ADGRV1: variants seen among roughly 807,000 people sequenced by gnomAD.
ADGRV1 encodes the protein adhesion G protein-coupled receptor V1.
A neutral mutation model predicts 596.2 loss-of-function variants in ADGRV1; 359 were observed. The ratio of observed to expected loss-of-function variants is 0.60; its 90% CI spans 0.55 to 0.66. The LOEUF (loss-of-function observed/expected upper bound fraction) is 0.66, where lower values mean the gene tolerates loss of function less well. Among genes scored for constraint, ADGRV1 ranks in the 30% least tolerant of loss-of-function variants. The pLI, the probability that ADGRV1 is intolerant of heterozygous loss-of-function variation, is 0.00. For synonymous variants in ADGRV1, 2,681 were observed against 2,679.2 expected, an observed-to-expected ratio of 1.00 and a Z score of -0.02; for missense variants, 7,274 against 7,575.6, an observed-to-expected ratio of 0.96 and a Z score of 1.48.
Position 90,750,662 on chromosome 5 carries a change from G to A in ADGRV1, c.11086G>A (p.Gly3696Arg), listed in dbSNP as rs767421528. Reference sequence around the variant, plus strand: ...TATAACCATAGCATGGGAAGCTGATGGAAGTATTAGTGATATATTTCCTAC... The same window carrying A: ...TATAACCATAGCATGGGAAGCTGATAGAAGTATTAGTGATATATTTCCTAC... ...GRITIAWEAD[G>R]SISDIFPTSG... Residue 3696 changes from glycine (G) to arginine (R), a missense_variant, in exon 53 of 90, where the codon GGA becomes AGA. Gly to Arg is a moderately radical substitution (Grantham distance 125). This residue lies in a region of ADGRV1 where 3,643 missense variants were observed against 3,809.2 expected (regional missense o/e 0.96). Coordinates refer to ENST00000405460, the MANE Select transcript of ADGRV1 (RefSeq NM_032119.4). 6.2e-7 allele frequency: 1 copy of A among 1,612,580 alleles called. No individual in the cohort carries two copies. The highest frequency in any genetic ancestry group is 1.7e-5 in the Admixed American group (1 of 60,016).
At chr5:90,675,746 C>T (rs1401828166) in intron 24 of ADGRV1, among the ~76,000 whole-genome samples, 1 of 151,748 alleles carries the variant, frequency 6.6e-6, no homozygotes, top group Non-Finnish European at 1.5e-5. Context: ...TATGATCCCA[C>T]CACTGCACTC....
At position 90,644,003 on chromosome 5, in the gene ADGRV1, A is replaced by G. The variant is rs760546249; in HGVS notation, c.2734+20A>G. On this transcript the variant is annotated intron_variant, in intron 14 of 89. Transcript: ENST00000405460. ...ATAGTGGTAATTTATTCTGTGTCTTATATTGTATTTCTGTTTACTGAAGAA... is the reference window on the plus strand; with the variant it reads ...ATAGTGGTAATTTATTCTGTGTCTTGTATTGTATTTCTGTTTACTGAAGAA... 10 of 1,461,002 alleles carry G rather than the reference A, an allele frequency of 6.8e-6. No individual in the cohort carries two copies. In the South Asian group the frequency reaches 1.4e-4, roughly 21 times the overall value. The allele number at this position is 1,461,002 out of a possible 1,614,324, so 90.5% of individuals were successfully genotyped here. A position where few individuals can be genotyped will look rare whatever the true frequency, so the allele number is the denominator to read the frequency against.
At chr5:90,664,388 G>T (rs1424071527) in intron 21 of ADGRV1, among the ~76,000 whole-genome samples, 2 of 151,942 alleles carry the variant, frequency 1.3e-5, no homozygotes, top group Non-Finnish European at 2.9e-5. Context: ...GTGAATGGGA[G>T]TTCACTCATG....
chr5:91,065,028 G>C (rs1203282004), intron 85 of ADGRV1, among the ~76,000 whole-genome samples: 1 of 152,196 alleles, frequency 6.6e-6, no homozygotes, highest in Non-Finnish European at 1.5e-5. Context: ...TAAAGGATAA[G>C]CATCTACAGA....
At chr5:90,669,061 T>C (rs1772037572) in intron 21 of ADGRV1, among the ~76,000 whole-genome samples, 1 of 152,184 alleles carries the variant, frequency 6.6e-6, no homozygotes. Context: ...AGATTAATGG[T>C]TTATTAATTT....
intron 25 of ADGRV1, among the ~76,000 whole-genome samples, chr5:90,677,545 T>G (rs545149909): frequency 3.7e-4 from 56 of 152,310 alleles, no homozygotes; most frequent in African/African-American, 1.3e-3. Context: ...CTAAAAATCC[T>G]TATGTAATAG....
intron 42 of ADGRV1, 109 bp from the exon 43 acceptor site, chr5:90,716,358 C>A: frequency 1.5e-6 from 1 of 653,636 alleles, no homozygotes; most frequent in South Asian, 3.2e-5. Flanking sequence ...TTAAGACAAT[C>A]ACCTTAGGTA....
At chr5:90,787,954 C>G in intron 67 of ADGRV1, 117 bp from the exon 68 acceptor site, 2 of 621,726 alleles carry the variant, frequency 3.2e-6, no homozygotes, top group Middle Eastern at 3.2e-4. Flanking sequence ...ATGGAATTAT[C>G]CTAGAATAAT....
chr5:90,953,472 G>T (rs534001842), intron 83 of ADGRV1, among the ~76,000 whole-genome samples: 1 of 152,162 alleles, frequency 6.6e-6, no homozygotes, highest in Non-Finnish European at 1.5e-5. Context: ...GAATTTATAT[G>T]CTTCTTTCTC....
intron 21 of ADGRV1, among the ~76,000 whole-genome samples, chr5:90,670,188 C>T (rs149454220): frequency 6.6e-6 from 1 of 152,250 alleles, no homozygotes; most frequent in African/African-American, 2.4e-5. Context: ...CCCTTTGATT[C>T]TTACCCAAAA....
At chr5:90,984,016 A>G (rs1780289132) in intron 84 of ADGRV1, among the ~76,000 whole-genome samples, 2 of 152,188 alleles carry the variant, frequency 1.3e-5, no homozygotes, top group South Asian at 2.1e-4. Context: ...ACCTCTTAAT[A>G]AGAGATTTAA....
intron 87 of ADGRV1, among the ~76,000 whole-genome samples, chr5:91,122,244 T>A (rs914864791): frequency 1.6e-4 from 24 of 152,176 alleles, no homozygotes; most frequent in African/African-American, 5.8e-4. Flanking sequence ...GTGAGTGGGG[T>A]GTCATAATTT....
At chr5:91,074,402 C>T (rs1209151663) in intron 86 of ADGRV1, among the ~76,000 whole-genome samples, 1 of 152,156 alleles carries the variant, frequency 6.6e-6, no homozygotes, top group African/African-American at 2.4e-5. Context: ...TATTTACTCC[C>T]ACTTATTAGT....
In ADGRV1 at chr5:90,810,447, C is replaced by T. The variant is rs561844725; in HGVS notation, c.15187C>T (p.Leu5063=). Reference sequence around the variant, plus strand: ...TTTTGAGCCTGTTCAGAATGGGGAACTGTTTTTTCAAAAATTCCAAACTGA... The same window carrying T: ...TTTTGAGCCTGTTCAGAATGGGGAATTGTTTTTTCAAAAATTCCAAACTGA... ...EDFEPVQNGE[L]FFQKFQTEVD... is the part of the protein sequence containing the mutation. Residue 5063 remains leucine, a synonymous_variant, in exon 74 of 90, where the codon CTG becomes TTG. Coordinates refer to ENST00000405460, the MANE Select transcript of ADGRV1 (RefSeq NM_032119.4). 1.9e-6 allele frequency: 3 copies of T among 1,613,888 alleles called. No individual in the cohort carries two copies. The highest frequency in any genetic ancestry group is 2.5e-6 in the Non-Finnish European group (3 of 1,179,786).
At chr5:90,596,413 C>T (rs572982100) in intron 1 of ADGRV1, among the ~76,000 whole-genome samples, 38 of 151,888 alleles carry the variant, frequency 2.5e-4, no homozygotes, top group African/African-American at 8.2e-4. Flanking sequence ...GCTGCAATCT[C>T]GGCACTTTGG....
rs576466976 is a variant in ADGRV1 at position 90,783,948 on chromosome 5, G to A, written c.13544G>A (p.Gly4515Glu). The A allele has an allele frequency of 3.2e-5, 52 of 1,612,234 alleles. No homozygotes were observed. In the South Asian group the frequency reaches 5.4e-4, roughly 17 times the overall value. ...ATAGCTAAGAGTGACTCTCCCTTTG[G>A]AGTTATAAGGTTTCTCAATCAAAGC... ...IIIAKSDSPF[G>E]VIRFLNQSKI... Residue 4515 changes from glycine to glutamate, a missense_variant, in exon 67 of 90, where the codon GGA (glycine) becomes GAA (glutamate). This residue lies in a region of ADGRV1 where 3,643 missense variants were observed against 3,809.2 expected (regional missense o/e 0.96). Transcript: ENST00000405460.
chr5:91,070,363 C>T (rs975302130), intron 85 of ADGRV1, among the ~76,000 whole-genome samples: 9 of 152,148 alleles, frequency 5.9e-5, no homozygotes, highest in Admixed American at 2.0e-4. Flanking sequence ...ACAGGCTATG[C>T]GTGATTCCCC....
At chr5:90,667,139 T>G (rs1771578649) in intron 21 of ADGRV1, among the ~76,000 whole-genome samples, 1 of 150,222 alleles carries the variant, frequency 6.7e-6, no homozygotes, top group African/African-American at 2.5e-5. Context: ...CTGTATTTCC[T>G]GAATCTGAAC....
chr5:90,693,193 T>C (rs1332857191), intron 32 of ADGRV1, among the ~76,000 whole-genome samples: 1 of 133,344 alleles, frequency 7.5e-6, no homozygotes, highest in African/African-American at 3.0e-5. Flanking sequence ...CCTTCAGAAA[T>C]AGAAAACAGG....
Sources: allele counts gnomAD v4.1 joint callset (sites outside exome capture counted in the v4.1 genomes callset), GRCh38; gene constraint gnomAD v4.1.1; regional missense constraint gnomAD v4.1.1; transcripts MANE v1.5; gene names NCBI Gene and HGNC (gene_info 2026-07-23, HGNC 2026-07-21).